The following PIK3C3 variants were observed in gnomAD, a reference collection of about 807,000 sequenced individuals.
PIK3C3 encodes PI3-kinase type 3.
Under a neutral mutation model 126.1 loss-of-function variants are expected in PIK3C3, and 95 were observed. The ratio of observed to expected loss-of-function variants is 0.75; its 90% CI spans 0.64 to 0.89. The LOEUF (loss-of-function observed/expected upper bound fraction) is 0.89. Ranked by LOEUF, PIK3C3 falls within the 40% of genes least tolerant of loss-of-function variation. PIK3C3 has a pLI of 0.00. For missense variants in PIK3C3, 829 were observed against 1,063.2 expected (o/e 0.78, Z 3.06); for synonymous variants, 374 against 360.0 (o/e 1.04, Z -0.44).
At chr18:41,959,394 G>T (rs1356569081) in intron 2 of PIK3C3, among the ~76,000 whole-genome samples, 5 of 152,044 alleles carry the variant, frequency 3.3e-5, no homozygotes, top group Admixed American at 6.5e-5. Context: ...ATCTCTAAAA[G>T]TTGAATTTTT....
At chr18:42,043,294 T>C (rs756265883) in intron 19 of PIK3C3, among the ~76,000 whole-genome samples, 14 of 152,116 alleles carry the variant, frequency 9.2e-5, no homozygotes, top group Admixed American at 2.0e-4. Flanking sequence ...GGTTTCACCA[T>C]GTTGACCAGG....
At chr18:41,988,589 C>T (rs900765223) in intron 5 of PIK3C3, among the ~76,000 whole-genome samples, 1 of 151,982 alleles carries the variant, frequency 6.6e-6, no homozygotes, top group Non-Finnish European at 1.5e-5. Flanking sequence ...TTATAATGAC[C>T]ATAAGGCACA....
rs1984433526 is a variant in PIK3C3 at position 42,043,764 on chromosome 18, A to G, written c.2135A>G (p.Asn712Ser). ...NFFRKYAPSE[N>S]GPNGISAEVM... ...TTTAGAAAATATGCACCAAGTGAGA[A>G]TGGGCCAAATGGGATTAGTGCTGAG... Residue 712 changes from asparagine to serine, a missense_variant, in exon 20 of 25, where the codon AAT (asparagine) becomes AGT (serine). Asn to Ser is a conservative substitution (Grantham distance 46). This residue lies in a region of PIK3C3 where 196 missense variants were observed against 312.8 expected (regional missense o/e 0.63). Coordinates refer to ENST00000262039, the MANE Select transcript of PIK3C3 (RefSeq NM_002647.4). The G allele has an allele frequency of 6.2e-7, 1 of 1,613,170 alleles. No individual in the cohort carries two copies. Among genetic ancestry groups the G allele is most frequent in the Non-Finnish European group, 8.5e-7 (1 of 1,179,256 alleles).
intron 13 of PIK3C3, among the ~76,000 whole-genome samples, chr18:42,023,254 T>C (rs1372427451): frequency 6.6e-6 from 1 of 152,218 alleles, no homozygotes; most frequent in Non-Finnish European, 1.5e-5. Flanking sequence ...TTGTGTTTGA[T>C]TGAAGACTAG....
chr18:42,025,685 G>A (rs931202025), intron 13 of PIK3C3: 7 of 152,168 alleles, frequency 4.6e-5, no homozygotes, highest in African/African-American at 1.7e-4. Flanking sequence ...GACAAACAGT[G>A]TCTTGAAAAG....
At chr18:42,008,620 G>A (rs946194214) in intron 10 of PIK3C3, among the ~76,000 whole-genome samples, 13 of 151,998 alleles carry the variant, frequency 8.6e-5, no homozygotes, top group African/African-American at 2.2e-4. Context: ...TCACTATCTA[G>A]TAAAAATTTC....
chr18:41,978,978 T>C (rs1002523199), intron 4 of PIK3C3, among the ~76,000 whole-genome samples: 1 of 147,276 alleles, frequency 6.8e-6, no homozygotes, highest in Non-Finnish European at 1.5e-5. Context: ...TTTCAGCCAC[T>C]CAGCTACATG....
chr18:42,021,641 C>G (rs1270371233), intron 13 of PIK3C3, among the ~76,000 whole-genome samples: 1 of 152,140 alleles, frequency 6.6e-6, no homozygotes, highest in Non-Finnish European at 1.5e-5. Flanking sequence ...CTAATCTAAT[C>G]TTACTGCTCA....
intron 16 of PIK3C3, among the ~76,000 whole-genome samples, chr18:42,036,432 C>A (rs1003318552): frequency 6.6e-6 from 1 of 151,386 alleles, no homozygotes; most frequent in Non-Finnish European, 1.5e-5. Context: ...TTTTAAATTT[C>A]TTTGACTCAT....
intron 11 of PIK3C3, among the ~76,000 whole-genome samples, chr18:42,014,140 A>G (rs1235590490): frequency 4.3e-5 from 6 of 140,386 alleles, no homozygotes. Flanking sequence ...CCCGGGAGGT[A>G]GAGGGTGTAG....
intron 19 of PIK3C3, among the ~76,000 whole-genome samples, chr18:42,042,855 C>T (rs1228784301): frequency 6.6e-6 from 1 of 152,188 alleles, no homozygotes; most frequent in African/African-American, 2.4e-5. Flanking sequence ...AAACTTCAAA[C>T]TCTTCGTACC....
chr18:42,022,619 G>A (rs906868280), intron 13 of PIK3C3, among the ~76,000 whole-genome samples: 1 of 151,848 alleles, frequency 6.6e-6, no homozygotes, highest in Admixed American at 6.6e-5. Context: ...TCCCCCCTTT[G>A]GAACCTGTGT....
chr18:42,016,472 G>A (rs929087101), intron 12 of PIK3C3, among the ~76,000 whole-genome samples: 1 of 152,018 alleles, frequency 6.6e-6, no homozygotes, highest in African/African-American at 2.4e-5. Context: ...ACATGTATGG[G>A]AACTGTTCTA....
At chr18:41,966,443 T>G (rs1302203671) in intron 3 of PIK3C3, among the ~76,000 whole-genome samples, 2 of 152,174 alleles carry the variant, frequency 1.3e-5, no homozygotes, top group African/African-American at 4.8e-5. Context: ...GTGTTGGGAT[T>G]ACAGGTATGA....
intron 24 of PIK3C3, among the ~76,000 whole-genome samples, chr18:42,077,414 C>G (rs756380922): frequency 6.6e-6 from 1 of 152,230 alleles, no homozygotes; most frequent in Admixed American, 6.5e-5. Flanking sequence ...TCAACCCTTT[C>G]AAAACTTGCT....
intron 9 of PIK3C3, among the ~76,000 whole-genome samples, chr18:42,000,726 C>T (rs911640053): frequency 2.0e-5 from 3 of 152,146 alleles, no homozygotes; most frequent in Non-Finnish European, 2.9e-5. Flanking sequence ...CAAGTCATGT[C>T]TTACGTGGAT....
chr18:42,051,629 A>G (rs1984806808), intron 21 of PIK3C3, among the ~76,000 whole-genome samples: 1 of 152,168 alleles, frequency 6.6e-6, no homozygotes, highest in African/African-American at 2.4e-5. Context: ...GACCAAAAGA[A>G]TATAATCAGA....
At chr18:42,044,879 A>G (rs962626566) in intron 20 of PIK3C3, among the ~76,000 whole-genome samples, 1 of 152,192 alleles carries the variant, frequency 6.6e-6, no homozygotes, top group African/African-American at 2.4e-5. Flanking sequence ...ATTTATGCCT[A>G]TGCTTAAGCT....
intron 4 of PIK3C3, among the ~76,000 whole-genome samples, chr18:41,977,576 A>C (rs745408806): frequency 8.6e-5 from 13 of 151,538 alleles, no homozygotes; most frequent in Non-Finnish European, 1.5e-4. Context: ...GCTCACTGCA[A>C]CTCCTGGGTT....
Sources: gnomAD v4.1 joint callset for allele counts (sites outside exome capture counted in the v4.1 genomes callset) on GRCh38, gnomAD v4.1.1 for gene constraint, gnomAD v4.1.1 regional missense constraint, MANE v1.5 for transcripts, NCBI Gene and HGNC (gene_info 2026-07-23, HGNC 2026-07-21) for gene names.